SPOPL: variants seen among roughly 807,000 people sequenced by gnomAD.
SPOPL encodes speckle type BTB/POZ protein like.
A neutral mutation model predicts 53.8 loss-of-function variants in SPOPL; 23 were observed. The observed-to-expected ratio is 0.43, with a 90% CI of 0.31 to 0.61. SPOPL has a LOEUF of 0.61. SPOPL is among the 20% of genes least tolerant of loss of function. The pLI, the probability that SPOPL is intolerant of heterozygous loss-of-function variation, is 0.12. For synonymous variants in SPOPL, 164 were observed against 149.7 expected, an observed-to-expected ratio of 1.10 and a Z score of -0.70; for missense variants, 442 against 466.9, an observed-to-expected ratio of 0.95 and a Z score of 0.49.
chr2:138,525,939 T>G (rs888752645), intron 1 of SPOPL, among the ~76,000 whole-genome samples: 1 of 152,148 alleles, frequency 6.6e-6, no homozygotes, highest in Admixed American at 6.5e-5. Flanking sequence ...AGTTTTATTG[T>G]GCTTGCTTTT....
chr2:138,537,165 CA>C (rs1684954798), intron 1 of SPOPL, among the ~76,000 whole-genome samples: 1 of 152,066 alleles, frequency 6.6e-6, no homozygotes, highest in Non-Finnish European at 1.5e-5. Context: ...ATGAGCCAAA[CA>C]AACAAACAAA....
rs1685286109 is a variant in SPOPL at position 138,550,312 on chromosome 2, T to A, written c.78+18T>A. Reference sequence around the variant, plus strand: ...ACACACAGGTACATGCTCTTAAAAATCCCTCACTTTATGTCACTTATAAAT... The same window carrying A: ...ACACACAGGTACATGCTCTTAAAAAACCCTCACTTTATGTCACTTATAAAT... On this transcript the variant is annotated intron_variant, in intron 2 of 10. Coordinates refer to ENST00000280098, the MANE Select transcript of SPOPL (RefSeq NM_001001664.3). 1 of 1,613,176 alleles carries A rather than the reference T, an allele frequency of 6.2e-7. No individual in the cohort carries two copies.
chr2:138,561,733 A>C (rs1189353943), intron 8 of SPOPL, among the ~76,000 whole-genome samples: 1 of 152,208 alleles, frequency 6.6e-6, no homozygotes, highest in Non-Finnish European at 1.5e-5. Context: ...ATACATTTGA[A>C]AAAAGAGGGT....
intron 5 of SPOPL, among the ~76,000 whole-genome samples, chr2:138,552,948 TTGTGAA>T (rs1685345197): frequency 6.6e-6 from 1 of 152,068 alleles, no homozygotes; most frequent in Non-Finnish European, 1.5e-5. Flanking sequence ...CTTGAAAAGA[TTGTGAA>T]TGTGAATATG....
At chr2:138,540,438 G>A (rs1208062740) in intron 1 of SPOPL, among the ~76,000 whole-genome samples, 2 of 152,082 alleles carry the variant, frequency 1.3e-5, no homozygotes, top group African/African-American at 2.4e-5. Flanking sequence ...GTGGTTTGTA[G>A]TTCTCCTTGA....
Position 138,572,585 on chromosome 2 carries a change from T to G in SPOPL, c.*3505T>G, listed in dbSNP as rs150855176. 6.5e-6 allele frequency: 1 copy of G among 152,706 alleles called. No individual in the cohort carries two copies. Among genetic ancestry groups the G allele is most frequent in the African/African-American group, 2.4e-5 (1 of 41,578 alleles). 9.5% of individuals were successfully genotyped at this position (152,706 alleles called of 1,614,324 possible). On this transcript the variant is annotated 3_prime_UTR_variant, in exon 11 of 11. Coordinates refer to ENST00000280098, the MANE Select transcript of SPOPL (RefSeq NM_001001664.3). The stretch of plus-strand genomic sequence containing the variant: ...TATTCTGACTTGGACATGCATGCTC[T>G]TTGATGGATAAAATAAAAATATTCA...
In SPOPL at chr2:138,555,154, G is replaced by T. The variant is rs1185821507; in HGVS notation, c.480+2473G>T. ...AGGGTGTGTGTGTGTGTGTGTGTGT[G>T]TGTGTGTGTGTGTGTGCGAGCCAGA... is the stretch of plus-strand genomic sequence containing the variant. On this transcript the variant is annotated intron_variant, in intron 5 of 10. Coordinates refer to ENST00000280098, the MANE Select transcript of SPOPL (RefSeq NM_001001664.3). Among the ~76,000 whole-genome samples the T allele has an allele frequency of 3.3e-5, 5 of 151,448 alleles. No individual in the cohort carries two copies. In the East Asian group the frequency reaches 9.7e-4, roughly 29 times the overall value.
At chr2:138,508,166 G>C (rs918050078) in intron 1 of SPOPL, among the ~76,000 whole-genome samples, 1 of 152,076 alleles carries the variant, frequency 6.6e-6, no homozygotes, top group Admixed American at 6.6e-5. Flanking sequence ...CAAATCCCTG[G>C]ACTTTTCTCT....
Position 138,550,956 on chromosome 2 carries a change from C to T in SPOPL, c.254C>T (p.Ser85Phe). Residue 85 changes from serine to phenylalanine, a missense_variant, in exon 4 of 11, where the codon TCC becomes TTC. Physicochemically the swap from Ser to Phe is radical, Grantham distance 155 (BLOSUM62 -2). Transcript: ENST00000280098. ...GLDDESKDYL[S>F]LYLLLVSCPK... is the part of the protein sequence containing the mutation. ...GATGATGAAAGTAAAGACTACTTGTCCTTATATTTGCTTTTAGTCAGCTGC... is the reference window on the plus strand; with the variant it reads ...GATGATGAAAGTAAAGACTACTTGTTCTTATATTTGCTTTTAGTCAGCTGC... 6.2e-7 allele frequency: 1 copy of T among 1,613,310 alleles called. No individual in the cohort carries two copies. Among genetic ancestry groups the T allele is most frequent in the East Asian group, 2.2e-5 (1 of 44,814 alleles).
intron 1 of SPOPL, among the ~76,000 whole-genome samples, chr2:138,535,317 T>G (rs190654957): frequency 6.6e-6 from 1 of 152,340 alleles, no homozygotes. Context: ...AACATTTATG[T>G]TTCAGTCATT....
chr2:138,559,206 T>C lies in SPOPL; in HGVS notation c.658+7T>C, dbSNP rs1166887428. On this transcript the variant is annotated splice_region_variant and intron_variant, in intron 6 of 10. Transcript: ENST00000280098. ...CATAAATCTGTGCTTGCAGGTACTT[T>C]CTAGTTATGGGGTAATATAGTACAT... 1.9e-6 allele frequency: 3 copies of C among 1,612,834 alleles called. No homozygotes were observed.
chr2:138,554,427 T>G (rs1685379106), intron 5 of SPOPL: 1 of 1,219,866 alleles, frequency 8.2e-7, no homozygotes, highest in Admixed American at 2.5e-5. Context: ...ACGGATGCCC[T>G]TCCTTCTACA....
intron 1 of SPOPL, among the ~76,000 whole-genome samples, chr2:138,510,481 A>G (rs574553166): frequency 1.3e-5 from 2 of 152,256 alleles, no homozygotes; most frequent in South Asian, 4.1e-4. Context: ...CTGATTTTCT[A>G]CCTGCTGGAT....
intron 10 of SPOPL, among the ~76,000 whole-genome samples, chr2:138,566,360 G>A (rs932072424): frequency 1.3e-5 from 2 of 151,990 alleles, no homozygotes; most frequent in Non-Finnish European, 2.9e-5. Context: ...TTTACTCTAA[G>A]GAAATACTTC....
intron 8 of SPOPL, 106 bp downstream of exon 8, chr2:138,561,033 T>C (rs1316720389): frequency 2.2e-6 from 3 of 1,357,530 alleles, no homozygotes; most frequent in African/African-American, 3.0e-5. Flanking sequence ...TGTAGATGGC[T>C]CTTGAGAGCT....
intron 1 of SPOPL, among the ~76,000 whole-genome samples, chr2:138,523,257 T>A (rs543096382): frequency 6.6e-6 from 1 of 152,268 alleles, no homozygotes; most frequent in African/African-American, 2.4e-5. Flanking sequence ...TTCCCGTTTT[T>A]AAAACCATGA....
intron 1 of SPOPL, among the ~76,000 whole-genome samples, chr2:138,515,715 G>A (rs912360535): frequency 6.6e-6 from 1 of 151,980 alleles, no homozygotes; most frequent in African/African-American, 2.4e-5. Context: ...TACCTTTTGG[G>A]GATAATATTT....
Position 138,521,323 on chromosome 2 carries a change from G to A in SPOPL, c.-61+19204G>A, listed in dbSNP as rs368032702. Among the ~76,000 whole-genome samples, 3 of 151,280 alleles carry A rather than the reference G, an allele frequency of 2.0e-5. No individual in the cohort carries two copies. In the South Asian group the frequency reaches 6.3e-4, roughly 32 times the overall value. ...ATACATAGCCTGAAATGTGAAATGGGTAGAAGTAGAATCCAAGTATCTCAG... is the reference window on the plus strand; with the variant it reads ...ATACATAGCCTGAAATGTGAAATGGATAGAAGTAGAATCCAAGTATCTCAG... On this transcript the variant is annotated intron_variant, in intron 1 of 10. Transcript: ENST00000280098.
At chr2:138,550,012 C>A in intron 1 of SPOPL, 145 bp from the exon 2 acceptor site, 1 of 496,228 alleles carries the variant, frequency 2.0e-6, no homozygotes, top group Non-Finnish European at 3.6e-6. Context: ...TTCTTAAAAT[C>A]ATTAAATTTA....
Sources: allele counts gnomAD v4.1 joint callset (sites outside exome capture counted in the v4.1 genomes callset), GRCh38; gene constraint gnomAD v4.1.1; transcripts MANE v1.5; gene names NCBI Gene and HGNC (gene_info 2026-07-23, HGNC 2026-07-21).